Variants in TAF1B observed in about 807,000 individuals in gnomAD.
TAF1B encodes the protein TATA-box binding protein associated factor, RNA polymerase I subunit B.
In TAF1B, 61 loss-of-function variants were observed where a neutral mutation model predicts 83.9. The observed-to-expected ratio is 0.73, with a 90% CI of 0.59 to 0.90. The LOEUF is 0.90. TAF1B is among the 40% of genes least tolerant of loss of function. TAF1B has a pLI of 0.00. For synonymous variants in TAF1B, 221 were observed against 224.6 expected, an observed-to-expected ratio of 0.98 and a Z score of 0.14; for missense variants, 625 against 677.0, an observed-to-expected ratio of 0.92 and a Z score of 0.85.
chr2:9,861,367 G>C (rs1187807909), intron 5 of TAF1B, among the ~76,000 whole-genome samples: 1 of 152,250 alleles, frequency 6.6e-6, no homozygotes, highest in Non-Finnish European at 1.5e-5. Context: ...AGCAGTCTGA[G>C]ATCAAACTGC....
chr2:9,852,909 C>T (rs185945124), intron 4 of TAF1B, among the ~76,000 whole-genome samples: 1 of 152,270 alleles, frequency 6.6e-6, no homozygotes, highest in East Asian at 1.9e-4. Flanking sequence ...GGGGCAAGTC[C>T]AAACAGAACA....
intron 4 of TAF1B, among the ~76,000 whole-genome samples, chr2:9,853,054 G>A (rs1254139125): frequency 6.6e-6 from 1 of 152,092 alleles, no homozygotes; most frequent in Non-Finnish European, 1.5e-5. Flanking sequence ...AGCTGATAGT[G>A]GGGGGGTTGT....
chr2:9,900,632 C>T (rs545146180), intron 8 of TAF1B, among the ~76,000 whole-genome samples: 48 of 152,174 alleles, frequency 3.2e-4, no homozygotes, highest in African/African-American at 1.0e-3. Context: ...TTTGATAGTT[C>T]GGGTCTGGGG....
chr2:9,905,061 C>A, intron 9 of TAF1B, 55 bp downstream of exon 9: 1 of 1,494,044 alleles, frequency 6.7e-7, no homozygotes, highest in Admixed American at 1.8e-5. Context: ...TAATAATAAG[C>A]AGAGTATAGA....
intron 14 of TAF1B, among the ~76,000 whole-genome samples, chr2:9,922,701 A>G (rs895191202): frequency 6.6e-6 from 1 of 152,144 alleles, no homozygotes; most frequent in Non-Finnish European, 1.5e-5. Flanking sequence ...GGCCTTGAGA[A>G]TGTAAGGACT....
intron 14 of TAF1B, among the ~76,000 whole-genome samples, chr2:9,931,845 T>C (rs1475947935): frequency 5.3e-5 from 8 of 152,232 alleles, no homozygotes; most frequent in Admixed American, 4.6e-4. Flanking sequence ...AGTCCCATAT[T>C]TCTTGGAGGC....
At chr2:9,929,331 T>C (rs1666141288) in intron 14 of TAF1B, among the ~76,000 whole-genome samples, 1 of 152,178 alleles carries the variant, frequency 6.6e-6, no homozygotes, top group Non-Finnish European at 1.5e-5. Flanking sequence ...GCTAAGTTTT[T>C]GTATTTTTAG....
intron 9 of TAF1B, among the ~76,000 whole-genome samples, chr2:9,907,405 T>C (rs915257548): frequency 6.6e-6 from 1 of 152,068 alleles, no homozygotes. Flanking sequence ...AGAAGAGATC[T>C]ATGTATGTGG....
intron 8 of TAF1B, among the ~76,000 whole-genome samples, chr2:9,891,982 C>T (rs1317367978): frequency 7.9e-5 from 12 of 152,110 alleles, no homozygotes; most frequent in African/African-American, 2.7e-4. Context: ...CCTAAGTGTA[C>T]AGCATTTATG....
intron 8 of TAF1B, among the ~76,000 whole-genome samples, chr2:9,891,648 C>T (rs1664877434): frequency 6.6e-6 from 1 of 152,116 alleles, no homozygotes; most frequent in African/African-American, 2.4e-5. Context: ...ATTGTTACCA[C>T]AGAAGATGAC....
intron 8 of TAF1B, among the ~76,000 whole-genome samples, chr2:9,903,920 C>CA (rs1355009044): frequency 6.6e-6 from 1 of 152,182 alleles, no homozygotes; most frequent in Non-Finnish European, 1.5e-5. Context: ...TGGCTTTTAA[C>CA]ATTTAGTATT....
chr2:9,875,190 C>G (rs762373708), intron 6 of TAF1B, among the ~76,000 whole-genome samples: 1 of 152,082 alleles, frequency 6.6e-6, no homozygotes, highest in Non-Finnish European at 1.5e-5. Flanking sequence ...TTTCGAACTC[C>G]TGACCTCAAG....
chr2:9,895,956 C>T (rs947300991), intron 8 of TAF1B, among the ~76,000 whole-genome samples: 1 of 151,636 alleles, frequency 6.6e-6, no homozygotes, highest in African/African-American at 2.4e-5. Context: ...TATTGCTTCA[C>T]GAAGGAAAGT....
rs779465996 is a variant in TAF1B, at chr2:9,933,994, A to G, written c.*10A>G. The G allele has an allele frequency of 2.5e-5, 39 of 1,571,668 alleles. No individual in the cohort carries two copies. Among genetic ancestry groups the G allele is most frequent in the Non-Finnish European group, 1.7e-6 (2 of 1,161,022 alleles). The stretch of plus-strand genomic sequence containing the variant: ...AGTGAGACGACATTGAGAAAATGAA[A>G]TAGAAACTTTCTGGAAAAATATTTT... On this transcript the variant is annotated 3_prime_UTR_variant, in exon 15 of 15. Coordinates refer to ENST00000263663, the MANE Select transcript of TAF1B (RefSeq NM_005680.3).
At chr2:9,869,533 T>A (rs1664100843) in intron 6 of TAF1B, among the ~76,000 whole-genome samples, 1 of 151,898 alleles carries the variant, frequency 6.6e-6, no homozygotes, top group African/African-American at 2.4e-5. Flanking sequence ...TGCTTATTTG[T>A]TTTTTAATAA....
At position 9,931,297 on chromosome 2, in the gene TAF1B, G is replaced by A. The variant is rs181925376; in HGVS notation, c.1566-2486G>A. Among the ~76,000 whole-genome samples, 227 of 152,256 alleles carry A rather than the reference G, an allele frequency of 1.5e-3. 3 individuals are homozygous for A. Among genetic ancestry groups the A allele is most frequent in the Admixed American group, 7.4e-3 (113 of 15,298 alleles). On this transcript the variant is annotated intron_variant, in intron 14 of 14. Coordinates refer to ENST00000263663, the MANE Select transcript of TAF1B (RefSeq NM_005680.3). ...TTACAATTTGGCATGTTTTTGCAGC[G>A]GCTGATACCGGTTGCTCCTTTCCAT...
chr2:9,889,932 G>A (rs970627791), intron 8 of TAF1B, among the ~76,000 whole-genome samples: 1 of 152,158 alleles, frequency 6.6e-6, no homozygotes, highest in Non-Finnish European at 1.5e-5. Context: ...CTGCTTTCCT[G>A]TTATTTTTTT....
chr2:9,849,367 C>T lies in TAF1B; in HGVS notation c.118-6C>T, dbSNP rs1304087332. On this transcript the variant is annotated splice_region_variant and splice_polypyrimidine_tract_variant and intron_variant, in intron 2 of 14. Transcript: ENST00000263663. ...TTTTTTAATGGTCTTTTTCTCTTTC[C>T]TGCAGAGATATCAGGAAGTTACAAA... The T allele has an allele frequency of 1.1e-5, 18 of 1,588,616 alleles. No individual in the cohort carries two copies. Among genetic ancestry groups the T allele is most frequent in the Non-Finnish European group, 1.5e-5 (18 of 1,167,550 alleles).
chr2:9,918,029 A>G lies in TAF1B; in HGVS notation c.1272-1012A>G, dbSNP rs367656109. On this transcript the variant is annotated intron_variant, in intron 12 of 14. Transcript: ENST00000263663. ...GGAGCTTGCAGTGAGCCGAGATCCC[A>G]CCACTGCACTCCAGCCTGGGCGACA... Among the ~76,000 whole-genome samples, 820 of 150,612 alleles carry G rather than the reference A, an allele frequency of 5.4e-3. 12 individuals carry two copies. Among genetic ancestry groups the G allele is most frequent in the African/African-American group, 0.018 (749 of 40,910 alleles).
Sources: allele counts gnomAD v4.1 joint callset (sites outside exome capture counted in the v4.1 genomes callset), GRCh38; gene constraint gnomAD v4.1.1; transcripts MANE v1.5; gene names NCBI Gene and HGNC (gene_info 2026-07-23, HGNC 2026-07-21).